The following LMBR1 variants were observed in gnomAD, a reference collection of about 807,000 sequenced individuals.
LMBR1 encodes limb development membrane protein 1.
Under a neutral mutation model 73.9 loss-of-function variants are expected in LMBR1, and 52 were observed. The ratio of observed to expected loss-of-function variants is 0.70; its 90% CI spans 0.56 to 0.89. The LOEUF (loss-of-function observed/expected upper bound fraction) is 0.89. LMBR1 is among the 40% of genes least tolerant of loss of function. LMBR1 has a pLI of 0.00. For missense variants in LMBR1, 539 were observed against 579.8 expected, an observed-to-expected ratio of 0.93 and a Z score of 0.72; for synonymous variants, 215 against 209.4, an observed-to-expected ratio of 1.03 and a Z score of -0.23.
chr7:156,725,609 T>G, intron 13 of LMBR1, 84 bp from the exon 14 acceptor site: 1 of 1,237,768 alleles, frequency 8.1e-7, no homozygotes, highest in Non-Finnish European at 1.1e-6. Context: ...TTAAGGCCCA[T>G]AGGAAAAGCA....
At chr7:156,808,330 C>G (rs1832504871) in intron 4 of LMBR1, among the ~76,000 whole-genome samples, 1 of 152,106 alleles carries the variant, frequency 6.6e-6, no homozygotes, top group East Asian at 1.9e-4. Context: ...CAAACCACTT[C>G]AACATGATGA....
chr7:156,699,942 A>C, intron 15 of LMBR1, among the ~76,000 whole-genome samples: 1 of 152,336 alleles, frequency 6.6e-6, no homozygotes, highest in East Asian at 1.9e-4. Context: ...GAACACTTTT[A>C]TACTGTTGGT....
chr7:156,735,885 A>G (rs1817769738), intron 9 of LMBR1, among the ~76,000 whole-genome samples: 1 of 152,188 alleles, frequency 6.6e-6, no homozygotes, highest in Non-Finnish European at 1.5e-5. Flanking sequence ...GTTAGAGTTC[A>G]TTGGCTATAG....
At chr7:156,701,707 T>C (rs902299251) in intron 15 of LMBR1, among the ~76,000 whole-genome samples, 3 of 152,232 alleles carry the variant, frequency 2.0e-5, no homozygotes, top group Non-Finnish European at 4.4e-5. Flanking sequence ...TCATGTGCTA[T>C]GGTGGTTTGC....
chr7:156,891,216 ATATATAT>A (rs1802890398), intron 1 of LMBR1, among the ~76,000 whole-genome samples: 2 of 40,018 alleles, frequency 5.0e-5, no homozygotes, highest in Non-Finnish European at 4.9e-5. Flanking sequence ...AAAAAAATAT[ATATATAT>A]ATATATATAT....
intron 1 of LMBR1, among the ~76,000 whole-genome samples, chr7:156,889,922 T>C (rs1802596238): frequency 6.6e-6 from 1 of 152,122 alleles, no homozygotes; most frequent in Non-Finnish European, 1.5e-5. Flanking sequence ...GAGGATCGCC[T>C]GAGCCTTGGA....
intron 15 of LMBR1, among the ~76,000 whole-genome samples, chr7:156,718,373 C>T (rs1813699368): frequency 6.7e-6 from 1 of 149,986 alleles, no homozygotes; most frequent in South Asian, 2.1e-4. Context: ...GCACTTCAAC[C>T]TGAGCAACAG....
At chr7:156,793,391 A>G (rs1042033223) in intron 5 of LMBR1, among the ~76,000 whole-genome samples, 1 of 152,234 alleles carries the variant, frequency 6.6e-6, no homozygotes, top group Non-Finnish European at 1.5e-5. Flanking sequence ...ATATTTTAAA[A>G]TAACATGTCT....
chr7:156,676,016 G>A (rs1803905809), downstream of LMBR1, among the ~76,000 whole-genome samples: 1 of 151,864 alleles, frequency 6.6e-6, no homozygotes, highest in Non-Finnish European at 1.5e-5. Context: ...GGGGTGGCAT[G>A]TCGGGGGAGG....
chr7:156,705,321 G>A (rs537721879), intron 15 of LMBR1, among the ~76,000 whole-genome samples: 6 of 152,294 alleles, frequency 3.9e-5, no homozygotes, highest in East Asian at 1.9e-4. Flanking sequence ...ACTTTGGGAC[G>A]TCAAGGTGGG....
chr7:156,888,881 C>T (rs1802405819), intron 1 of LMBR1, among the ~76,000 whole-genome samples: 1 of 152,012 alleles, frequency 6.6e-6, no homozygotes, highest in Admixed American at 6.6e-5. Context: ...ATGGTGAAAC[C>T]CATCTCTACT....
chr7:156,750,297 C>CGT (rs60663497), intron 9 of LMBR1, among the ~76,000 whole-genome samples: 27,661 of 150,108 alleles, frequency 0.18, 3,534 homozygotes, highest in African/African-American at 0.37. Flanking sequence ...TGTGTGTGTA[C>CGT]GTGTGTGTGT....
chr7:156,839,517 A>T (rs1345912470), intron 1 of LMBR1, among the ~76,000 whole-genome samples: 1 of 152,184 alleles, frequency 6.6e-6, no homozygotes, highest in East Asian at 1.9e-4. Context: ...ATGGAAAAAA[A>T]AATTGAAGAC....
At chr7:156,826,147 T>C (rs1586060180) in intron 4 of LMBR1, among the ~76,000 whole-genome samples, 1 of 152,292 alleles carries the variant, frequency 6.6e-6, no homozygotes, top group South Asian at 2.1e-4. Flanking sequence ...GCCTGGCTAA[T>C]TTTTATATTT....
intron 4 of LMBR1, among the ~76,000 whole-genome samples, chr7:156,814,959 C>A (rs113979015): frequency 0.032 from 4,833 of 152,046 alleles, 124 homozygotes; most frequent in South Asian, 0.085. Flanking sequence ...GAGCTCGAGA[C>A]CACCCTGACC....
At chr7:156,831,782 A>G (rs898502690) in intron 3 of LMBR1, among the ~76,000 whole-genome samples, 10 of 152,336 alleles carry the variant, frequency 6.6e-5, no homozygotes, top group Non-Finnish European at 1.3e-4. Flanking sequence ...GGTAAAAGAC[A>G]AAGTGATGTG....
At chr7:156,768,903 C>T (rs1445698394) in intron 5 of LMBR1, among the ~76,000 whole-genome samples, 2 of 152,066 alleles carry the variant, frequency 1.3e-5, no homozygotes, top group Non-Finnish European at 2.9e-5. Flanking sequence ...GGAGTCCACT[C>T]GGAGGCAGTG....
At chr7:156,746,422 T>G (rs1246253549) in intron 9 of LMBR1, among the ~76,000 whole-genome samples, 2 of 152,220 alleles carry the variant, frequency 1.3e-5, no homozygotes, top group Non-Finnish European at 2.9e-5. Flanking sequence ...CAAAAATGCC[T>G]ACTTTGTGGG....
chr7:156,799,201 CAA>C (rs1164708033), intron 4 of LMBR1, among the ~76,000 whole-genome samples: 15 of 125,412 alleles, frequency 1.2e-4, no homozygotes, highest in Admixed American at 1.6e-4. Context: ...GACTCCATCT[CAA>C]AAAAAAAAAA....
Sources: allele counts gnomAD v4.1 joint callset (sites outside exome capture counted in the v4.1 genomes callset), GRCh38; gene constraint gnomAD v4.1.1; transcripts MANE v1.5; gene names NCBI Gene and HGNC (gene_info 2026-07-23, HGNC 2026-07-21).